Variants in ERICH1 observed in about 807,000 individuals in gnomAD.
ERICH1 encodes glutamate-rich protein 1.
ERICH1 carries 56 observed loss-of-function variants against 39.6 expected under a neutral mutation model. The observed-to-expected ratio is 1.41, with a 90% confidence interval of 1.14 to 1.77. The LOEUF is 1.77. ERICH1 is among the 40% of genes most tolerant of loss of function. ERICH1 has a pLI of 0.00. For missense variants in ERICH1, 826 were observed against 575.4 expected (o/e 1.44, Z -4.45); for synonymous variants, 313 against 223.6 (o/e 1.40, Z -3.57).
At chr8:670,446 G>C (rs1803039894) in intron 4 of ERICH1, among the ~76,000 whole-genome samples, 1 of 152,108 alleles carries the variant, frequency 6.6e-6, no homozygotes, top group Non-Finnish European at 1.5e-5. Flanking sequence ...TTTTCCTCTA[G>C]AGGGCTCACC....
intron 3 of ERICH1, among the ~76,000 whole-genome samples, chr8:624,929 T>C (rs1244967166): frequency 6.6e-6 from 1 of 152,060 alleles, no homozygotes; most frequent in African/African-American, 2.4e-5. Flanking sequence ...GGTTTCACCG[T>C]GTTAGCCAGG....
intron 1 of ERICH1, among the ~76,000 whole-genome samples, chr8:726,834 A>T: frequency 1.3e-5 from 2 of 151,886 alleles, no homozygotes; most frequent in East Asian, 3.9e-4. Context: ...ACAGACACAG[A>T]CACCACACAG....
At chr8:638,134 G>A (rs547529312) in intron 3 of ERICH1, among the ~76,000 whole-genome samples, 90 of 152,380 alleles carry the variant, frequency 5.9e-4, no homozygotes, top group African/African-American at 2.2e-3. Flanking sequence ...CAAAGCACCT[G>A]CTGAGGAAGG....
intron 3 of ERICH1, among the ~76,000 whole-genome samples, chr8:629,652 C>T (rs75344284): frequency 1.4e-5 from 2 of 146,544 alleles, no homozygotes; most frequent in Non-Finnish European, 1.5e-5. Context: ...GACTCACACC[C>T]GCCTGTGACC....
intron 3 of ERICH1, among the ~76,000 whole-genome samples, chr8:683,066 C>G (rs1806490122): frequency 6.6e-6 from 1 of 152,096 alleles, no homozygotes; most frequent in African/African-American, 2.4e-5. Flanking sequence ...GTAATAACAC[C>G]ATAGATTGTA....
chr8:649,641 C>T (rs1031675220), intron 3 of ERICH1, among the ~76,000 whole-genome samples: 1 of 152,112 alleles, frequency 6.6e-6, no homozygotes, highest in Non-Finnish European at 1.5e-5. Flanking sequence ...CTGCTGTGAG[C>T]CCTTCCTGCA....
At chr8:633,066 C>T (rs1381038209) in intron 3 of ERICH1, among the ~76,000 whole-genome samples, 3 of 152,120 alleles carry the variant, frequency 2.0e-5, no homozygotes, top group Admixed American at 1.3e-4. Context: ...GTGTGGGGCC[C>T]GCGCGGGGCC....
chr8:720,903 C>G (rs919152272), intron 1 of ERICH1, among the ~76,000 whole-genome samples: 1 of 152,216 alleles, frequency 6.6e-6, no homozygotes, highest in African/African-American at 2.4e-5. Flanking sequence ...CCTGCTACTT[C>G]TGGTAAGCCT....
chr8:617,436 C>G (rs774211362), intron 3 of ERICH1, among the ~76,000 whole-genome samples: 14 of 152,210 alleles, frequency 9.2e-5, no homozygotes, highest in Non-Finnish European at 1.6e-4. Context: ...CCATTTGGTC[C>G]TCATCTGACC....
At chr8:656,035 A>T (rs1228336314) in intron 3 of ERICH1, among the ~76,000 whole-genome samples, 2 of 151,760 alleles carry the variant, frequency 1.3e-5, no homozygotes, top group African/African-American at 4.8e-5. Context: ...GTGCCTGCAG[A>T]CTCATGGCCT....
At chr8:713,514 G>A (rs539131245) in intron 2 of ERICH1, among the ~76,000 whole-genome samples, 10 of 152,272 alleles carry the variant, frequency 6.6e-5, no homozygotes, top group African/African-American at 1.2e-4. Context: ...TCTAGGAGAC[G>A]TGAAGGGAAC....
chr8:683,426 T>C (rs567912862), intron 3 of ERICH1, among the ~76,000 whole-genome samples: 2 of 152,082 alleles, frequency 1.3e-5, no homozygotes, highest in Non-Finnish European at 2.9e-5. Flanking sequence ...GGGTCAGCCG[T>C]GAGGGTCAGC....
intron 3 of ERICH1, among the ~76,000 whole-genome samples, chr8:678,064 A>G (rs1440543750): frequency 6.6e-6 from 1 of 152,200 alleles, no homozygotes; most frequent in East Asian, 1.9e-4. Flanking sequence ...TGAAGGAGGC[A>G]AAAAGGCCAT....
At chr8:662,102 C>A (rs1288342376), downstream of ERICH1, among the ~76,000 whole-genome samples, 1 of 151,932 alleles carries the variant, frequency 6.6e-6, no homozygotes, top group Non-Finnish European at 1.5e-5. Context: ...GTGGAACCTA[C>A]AGGGATTCTG....
chr8:664,439 CT>C lies in ERICH1; in HGVS notation c.*163del. On this transcript the variant is annotated 3_prime_UTR_variant, in exon 6 of 6. Coordinates refer to ENST00000262109, the MANE Select transcript of ERICH1 (RefSeq NM_207332.3). Reference sequence around the variant, plus strand: ...TTTCCATTTTACCCCAATTTCTCATCTGAAGCCTCAGATGGCATCTTGCCCA... The same window carrying C: ...TTTCCATTTTACCCCAATTTCTCATCGAAGCCTCAGATGGCATCTTGCCCA... 7.9e-7 allele frequency: 1 copy of C among 1,259,798 alleles called. No individual in the cohort carries two copies. Among genetic ancestry groups the C allele is most frequent in the East Asian group, 2.9e-5 (1 of 33,994 alleles). The allele number at this position is 1,259,798 out of a possible 1,614,324, so 78.0% of individuals were successfully genotyped here.
At chr8:706,094 C>A (rs2132251099) in intron 2 of ERICH1, among the ~76,000 whole-genome samples, 1 of 151,788 alleles carries the variant, frequency 6.6e-6, no homozygotes, top group South Asian at 2.1e-4. Flanking sequence ...AGCCTGGGAG[C>A]AACAGGCTGT....
intron 1 of ERICH1, chr8:725,742 C>T (rs1818462595): frequency 6.5e-6 from 1 of 153,230 alleles, no homozygotes; most frequent in East Asian, 1.9e-4. Context: ...ACCCTCACCC[C>T]CCAACCTCAC....
chr8:727,815 C>T (rs1422337444), intron 1 of ERICH1, among the ~76,000 whole-genome samples: 1 of 152,178 alleles, frequency 6.6e-6, no homozygotes, highest in African/African-American at 2.4e-5. Flanking sequence ...ACTGGACCAC[C>T]TTGATGGGAA....
chr8:695,741 G>T (rs373826609), intron 2 of ERICH1, among the ~76,000 whole-genome samples: 12 of 58,410 alleles, frequency 2.1e-4, no homozygotes, highest in Non-Finnish European at 4.2e-4. Flanking sequence ...ATCAGCCTGC[G>T]CCTGTGCTGG....
Sources: gnomAD v4.1 joint callset for allele counts (sites outside exome capture counted in the v4.1 genomes callset) on GRCh38, gnomAD v4.1.1 for gene constraint, MANE v1.5 for transcripts, NCBI Gene and HGNC (gene_info 2026-07-23, HGNC 2026-07-21) for gene names.